The following UBAC2 variants were observed in gnomAD, a reference collection of about 807,000 sequenced individuals.
UBAC2 encodes the protein ubiquitin-associated domain-containing protein 2.
A neutral mutation model predicts 44.0 loss-of-function variants in UBAC2; 26 were observed. That is an observed-to-expected ratio of 0.59 (90% CI 0.43 to 0.82). The LOEUF (loss-of-function observed/expected upper bound fraction) is 0.82. Among genes scored for constraint, UBAC2 ranks in the 40% least tolerant of loss-of-function variants. The pLI is 0.00. For missense variants in UBAC2, 329 were observed against 419.4 expected (o/e 0.78, Z 1.88); for synonymous variants, 155 against 154.3 (o/e 1.00, Z -0.04).
chr13:99,233,316 T>C (rs2043197008), intron 1 of UBAC2, among the ~76,000 whole-genome samples: 1 of 152,142 alleles, frequency 6.6e-6, no homozygotes, highest in East Asian at 1.9e-4. Flanking sequence ...TTTCACTATG[T>C]TGGCCAGGCT....
intron 4 of UBAC2, among the ~76,000 whole-genome samples, chr13:99,271,082 A>T (rs1014235370): frequency 7.2e-5 from 11 of 152,250 alleles, no homozygotes; most frequent in Admixed American, 2.0e-4. Flanking sequence ...TGATCAAAGC[A>T]GACAAAATCT....
chr13:99,276,745 A>C (rs2043888671), intron 4 of UBAC2, among the ~76,000 whole-genome samples: 1 of 152,212 alleles, frequency 6.6e-6, no homozygotes, highest in Non-Finnish European at 1.5e-5. Flanking sequence ...CAGGGGCTCT[A>C]CCTAAATAAC....
At chr13:99,204,574 A>G (rs2042844987) in intron 1 of UBAC2, among the ~76,000 whole-genome samples, 1 of 149,802 alleles carries the variant, frequency 6.7e-6, no homozygotes, top group Non-Finnish European at 1.5e-5. Context: ...AAACTGAGGA[A>G]TGGCCAAGGA....
At chr13:99,326,648 A>G (rs919077714) in intron 6 of UBAC2, among the ~76,000 whole-genome samples, 2 of 152,134 alleles carry the variant, frequency 1.3e-5, no homozygotes, top group Non-Finnish European at 2.9e-5. Context: ...GAATACCTGG[A>G]CTGCCTATTT....
At chr13:99,357,898 T>C (rs1332513169) in intron 7 of UBAC2, among the ~76,000 whole-genome samples, 1 of 152,200 alleles carries the variant, frequency 6.6e-6, no homozygotes, top group Non-Finnish European at 1.5e-5. Context: ...CATTCAGTTA[T>C]CCATTTTGCA....
intron 1 of UBAC2, among the ~76,000 whole-genome samples, chr13:99,210,864 G>A (rs1333657127): frequency 4.6e-5 from 7 of 152,038 alleles, no homozygotes; most frequent in Non-Finnish European, 8.8e-5. Context: ...CACCCACCTC[G>A]GCCTCACAAA....
At chr13:99,210,419 A>G (rs574300540) in intron 1 of UBAC2, among the ~76,000 whole-genome samples, 8 of 151,754 alleles carry the variant, frequency 5.3e-5, no homozygotes, top group Non-Finnish European at 8.8e-5. Flanking sequence ...ACCCAAGAGA[A>G]TCTTTTAAAA....
Position 99,318,088 on chromosome 13 carries a change from T to C in UBAC2, c.561+19T>C, listed in dbSNP as rs775719629. ...TGGACTTGTAAGTGTGACTACCCTT[T>C]TACACCCAATTCTCTCTCTCTCCTG... On this transcript the variant is annotated intron_variant, in intron 6 of 8. Coordinates refer to ENST00000403766, the MANE Select transcript of UBAC2 (RefSeq NM_001144072.2). 7.5e-6 allele frequency: 12 copies of C among 1,602,764 alleles called. No homozygotes were observed. The highest frequency in any genetic ancestry group is 1.0e-5 in the Non-Finnish European group (12 of 1,170,500).
At chr13:99,235,425 A>G (rs545061313) in intron 1 of UBAC2, among the ~76,000 whole-genome samples, 3 of 152,236 alleles carry the variant, frequency 2.0e-5, no homozygotes, top group Non-Finnish European at 2.9e-5. Context: ...AAATAGAAAA[A>G]AAAATCCTAA....
chr13:99,359,188 G>A (rs2045230964), intron 7 of UBAC2, among the ~76,000 whole-genome samples: 1 of 152,204 alleles, frequency 6.6e-6, no homozygotes, highest in African/African-American at 2.4e-5. Context: ...TGGTCAGTAA[G>A]ACCTGGTGCT....
chr13:99,234,171 C>CTTTTTTTTTTTTTTTTTTTTTT (rs773370310), intron 1 of UBAC2, among the ~76,000 whole-genome samples: 1 of 61,682 alleles, frequency 1.6e-5, no homozygotes, highest in Non-Finnish European at 2.8e-5. Context: ...CTAGCCGTTT[C>CTTTTTTTTTTTTTTTTTTTTTT]TTTTTTTTTT....
chr13:99,343,666 A>G (rs1360226527), intron 7 of UBAC2, among the ~76,000 whole-genome samples: 3 of 152,000 alleles, frequency 2.0e-5, no homozygotes, highest in Non-Finnish European at 4.4e-5. Context: ...ATTTTTTCCT[A>G]AGCTTCCTAA....
At position 99,383,095 on chromosome 13, in the gene UBAC2, A is replaced by G. The variant is rs190975786; in HGVS notation, c.928-2133A>G. On this transcript the variant is annotated intron_variant, in intron 8 of 8. Coordinates refer to ENST00000403766, the MANE Select transcript of UBAC2 (RefSeq NM_001144072.2). ...GTGGCAGCATTCTCAGCCACCTGGC[A>G]GTGAGGCCAGGGCACTCAGCCACAG... Among the ~76,000 whole-genome samples, 6 of 152,330 alleles carry G rather than the reference A, an allele frequency of 3.9e-5. No homozygotes were observed. The East Asian group carries it at 1.2e-3, about 29-fold the overall frequency.
At chr13:99,218,562 C>T (rs2043022373) in intron 1 of UBAC2, among the ~76,000 whole-genome samples, 1 of 151,284 alleles carries the variant, frequency 6.6e-6, no homozygotes, top group Non-Finnish European at 1.5e-5. Context: ...AACTGTATAA[C>T]TCTTGCTTCG....
intron 7 of UBAC2, among the ~76,000 whole-genome samples, chr13:99,358,611 C>G (rs1445921071): frequency 6.6e-6 from 1 of 152,148 alleles, no homozygotes. Context: ...GAGGAGCCAG[C>G]AAAGGGTTTC....
chr13:99,325,098 CTTTTTTTTTTTT>C (rs55672515), intron 6 of UBAC2, among the ~76,000 whole-genome samples: 3 of 86,126 alleles, frequency 3.5e-5, no homozygotes, highest in Admixed American at 1.4e-4. Context: ...TGTCTATGCT[CTTTTTTTTTTTT>C]TTTTTTTTTT....
At chr13:99,340,773 G>C (rs1566510956) in intron 7 of UBAC2, among the ~76,000 whole-genome samples, 3 of 152,138 alleles carry the variant, frequency 2.0e-5, no homozygotes, top group Non-Finnish European at 4.4e-5. Flanking sequence ...CTGAAAGATT[G>C]GTCAAACTGG....
intron 4 of UBAC2, among the ~76,000 whole-genome samples, chr13:99,288,515 A>G (rs1246174123): frequency 1.3e-5 from 2 of 152,230 alleles, no homozygotes. Flanking sequence ...TCTAACAACT[A>G]CAGTATTGCC....
chr13:99,334,442 A>G (rs141821654), intron 6 of UBAC2, among the ~76,000 whole-genome samples: 79 of 152,342 alleles, frequency 5.2e-4, no homozygotes, highest in Non-Finnish European at 8.1e-4. Context: ...TTTTCATTAC[A>G]GCATTGAGGA....
Sources: gnomAD v4.1 joint callset for allele counts (sites outside exome capture counted in the v4.1 genomes callset) on GRCh38, gnomAD v4.1.1 for gene constraint, MANE v1.5 for transcripts, NCBI Gene and HGNC (gene_info 2026-07-23, HGNC 2026-07-21) for gene names.